Variants in IGSF21 observed in about 807,000 individuals in gnomAD.
IGSF21 encodes immunoglobin superfamily member 21.
A neutral mutation model predicts 46.8 loss-of-function variants in IGSF21; 28 were observed. The ratio of observed to expected loss-of-function variants is 0.60; its 90% CI spans 0.44 to 0.82. IGSF21 has a LOEUF of 0.82. IGSF21 is among the 40% of genes least tolerant of loss of function. The probability of loss-of-function intolerance (pLI) is 0.00; values close to 1 mark genes in which losing one functional copy is unlikely to be tolerated. For missense variants in IGSF21, 624 were observed against 665.5 expected, an observed-to-expected ratio of 0.94 and a Z score of 0.69; for synonymous variants, 284 against 273.6, an observed-to-expected ratio of 1.04 and a Z score of -0.38.
At chr1:18,157,250 G>A (rs1223452556) in intron 1 of IGSF21, among the ~76,000 whole-genome samples, 2 of 152,224 alleles carry the variant, frequency 1.3e-5, no homozygotes, top group African/African-American at 4.8e-5. Context: ...TTTCAGAGGG[G>A]CAGTGGGGCT....
In IGSF21 at chr1:18,335,590, C is replaced by T. The variant is rs1224899772; in HGVS notation, c.424+580C>T. Among the ~76,000 whole-genome samples the T allele has an allele frequency of 6.6e-6, 1 of 152,204 alleles. No individual in the cohort carries two copies. The highest frequency in any genetic ancestry group is 1.5e-5 in the Non-Finnish European group (1 of 68,046). ...TGTGTAAAACAAGAATGCTGCTCTG[C>T]ACGTTCTCAGAAGCCCCCACTGGCT... On this transcript the variant is annotated intron_variant, in intron 4 of 9. Transcript: ENST00000251296. The surrounding 1 kb of genome is among the most constrained non-coding windows in gnomAD (Gnocchi z 4.8).
At chr1:18,354,674 C>T (rs1428929350) in intron 4 of IGSF21, among the ~76,000 whole-genome samples, 1 of 152,034 alleles carries the variant, frequency 6.6e-6, no homozygotes, top group African/African-American at 2.4e-5. Flanking sequence ...ATGAATGACA[C>T]TGGGAGCCAG....
At chr1:18,195,431 C>G (rs2086997612) in intron 1 of IGSF21, among the ~76,000 whole-genome samples, 1 of 152,158 alleles carries the variant, frequency 6.6e-6, no homozygotes. Flanking sequence ...TCAGAACAGG[C>G]TTGGAGGGGC....
chr1:18,301,136 T>C (rs2085357377), intron 3 of IGSF21, among the ~76,000 whole-genome samples: 1 of 152,216 alleles, frequency 6.6e-6, no homozygotes, highest in African/African-American at 2.4e-5. Flanking sequence ...AATCCTGTTA[T>C]TCAGATGCTG....
At chr1:18,219,654 G>A (rs542293992) in intron 1 of IGSF21, among the ~76,000 whole-genome samples, 2 of 152,254 alleles carry the variant, frequency 1.3e-5, no homozygotes, top group South Asian at 4.2e-4. Context: ...GAAGTAGATT[G>A]GTGTGCTCTG....
intron 2 of IGSF21, among the ~76,000 whole-genome samples, chr1:18,229,175 G>A (rs1331754696): frequency 6.6e-6 from 1 of 152,172 alleles, no homozygotes; most frequent in Non-Finnish European, 1.5e-5. Context: ...CGGATGGATA[G>A]CACAGTTAGG....
intron 1 of IGSF21, among the ~76,000 whole-genome samples, chr1:18,163,395 G>A (rs988735245): frequency 2.0e-5 from 3 of 152,154 alleles, no homozygotes; most frequent in African/African-American, 7.2e-5. Flanking sequence ...GTGAGAGGGT[G>A]GAGGGAGGAG....
intron 2 of IGSF21, among the ~76,000 whole-genome samples, chr1:18,234,035 T>C (rs1472057331): frequency 6.6e-6 from 1 of 152,078 alleles, no homozygotes; most frequent in Non-Finnish European, 1.5e-5. Context: ...AGAAGGTAGG[T>C]ACACTCTCGG....
intron 3 of IGSF21, among the ~76,000 whole-genome samples, chr1:18,297,465 G>A (rs975192710): frequency 8.5e-5 from 13 of 152,068 alleles, no homozygotes; most frequent in African/African-American, 2.2e-4. Context: ...ACCTGCTTTC[G>A]GGAGGTTTCT....
chr1:18,181,125 C>T (rs923744366), intron 1 of IGSF21, among the ~76,000 whole-genome samples: 1 of 152,200 alleles, frequency 6.6e-6, no homozygotes, highest in African/African-American at 2.4e-5. Context: ...TGCTGCCTCC[C>T]CTCCTCCTAG....
At position 18,320,346 on chromosome 1, in the gene IGSF21, A is replaced by G. The variant is rs185888530; in HGVS notation, c.306-14546A>G. Among the ~76,000 whole-genome samples the G allele has an allele frequency of 8.9e-4, 136 of 152,190 alleles. 1 individual carries two copies. Among genetic ancestry groups the G allele is most frequent in the African/African-American group, 3.0e-3 (124 of 41,554 alleles). On this transcript the variant is annotated intron_variant, in intron 3 of 9. Transcript: ENST00000251296. ...GCACCACGTAGCGCAGGACAGTCAA[A>G]CATAATTGGCCTGCCCTACTTTTTA... is the stretch of plus-strand genomic sequence containing the variant.
intron 2 of IGSF21, among the ~76,000 whole-genome samples, chr1:18,250,182 G>C (rs2084826682): frequency 6.7e-6 from 1 of 149,164 alleles, no homozygotes; most frequent in African/African-American, 2.5e-5. Flanking sequence ...GAGACCCCAG[G>C]GAATTCACAT....
intron 3 of IGSF21, among the ~76,000 whole-genome samples, chr1:18,327,818 T>C (rs904368209): frequency 1.3e-5 from 2 of 152,160 alleles, no homozygotes; most frequent in African/African-American, 2.4e-5. Flanking sequence ...ATGGTCTCAA[T>C]ACATTGAAAC....
chr1:18,265,426 T>A (rs1398537910), intron 2 of IGSF21, among the ~76,000 whole-genome samples: 2 of 152,164 alleles, frequency 1.3e-5, no homozygotes, highest in Non-Finnish European at 2.9e-5. Context: ...CACCTCTGGG[T>A]GTCCTCTGGG....
chr1:18,155,815 A>G (rs2124438200), intron 1 of IGSF21, among the ~76,000 whole-genome samples: 1 of 152,332 alleles, frequency 6.6e-6, no homozygotes, highest in Admixed American at 6.5e-5. Context: ...GCCTTCCAGG[A>G]GGCCTGGGCG....
chr1:18,285,047 A>G (rs2085199307), intron 2 of IGSF21, among the ~76,000 whole-genome samples: 1 of 152,138 alleles, frequency 6.6e-6, no homozygotes, highest in Admixed American at 6.5e-5. Flanking sequence ...CTCTGCCACT[A>G]TTACACTTTC....
intron 1 of IGSF21, among the ~76,000 whole-genome samples, chr1:18,130,457 G>C (rs2086308940): frequency 6.6e-6 from 1 of 152,154 alleles, no homozygotes; most frequent in Non-Finnish European, 1.5e-5. Flanking sequence ...ACCTCTGAGG[G>C]CTCTTCTAGC....
chr1:18,148,765 C>T (rs4920439), intron 1 of IGSF21, among the ~76,000 whole-genome samples: 7,887 of 152,176 alleles, frequency 0.052, 617 homozygotes, highest in African/African-American at 0.17. Context: ...ATCATATCAT[C>T]GCTTATTTCA....
chr1:18,228,052 C>G, intron 2 of IGSF21, 42 bp downstream of exon 2: 1 of 1,487,828 alleles, frequency 6.7e-7, no homozygotes, highest in Non-Finnish European at 9.4e-7. Context: ...ATGGCCAGGA[C>G]TGGTGTGAGG....
Sources: allele counts gnomAD v4.1 joint callset (sites outside exome capture counted in the v4.1 genomes callset), GRCh38; gene constraint gnomAD v4.1.1; non-coding constraint Gnocchi (gnomAD v3.1); transcripts MANE v1.5; gene names NCBI Gene and HGNC (gene_info 2026-07-23, HGNC 2026-07-21).